The following FAM135A variants were observed in gnomAD, a reference collection of about 807,000 sequenced individuals.
FAM135A encodes the protein protein FAM135A.
A neutral mutation model predicts 146.8 loss-of-function variants in FAM135A; 79 were observed. That is an observed-to-expected ratio of 0.54 (90% CI 0.45 to 0.65). The LOEUF (loss-of-function observed/expected upper bound fraction) is 0.65, where lower values mean the gene tolerates loss of function less well. Among genes scored for constraint, FAM135A ranks in the 30% least tolerant of loss-of-function variants. The pLI, the probability that FAM135A is intolerant of heterozygous loss-of-function variation, is 0.00. For missense variants in FAM135A, 1,623 were observed against 1,758.2 expected (o/e 0.92, Z 1.38); for synonymous variants, 562 against 603.6 (o/e 0.93, Z 1.01).
At chr6:70,465,659 C>T (rs944372180) in intron 5 of FAM135A, among the ~76,000 whole-genome samples, 1 of 152,074 alleles carries the variant, frequency 6.6e-6, no homozygotes, top group Non-Finnish European at 1.5e-5. Flanking sequence ...AGATAACAGG[C>T]GTGAGCCACA....
rs1428030182 is a variant in FAM135A, at chr6:70,452,557, T to C, written c.143T>C (p.Leu48Ser). The C allele has an allele frequency of 6.3e-7, 1 of 1,587,700 alleles. No individual in the cohort carries two copies. The highest frequency in any genetic ancestry group is 8.5e-7 in the Non-Finnish European group (1 of 1,172,212). ...ATTCCCCACAGAGTAGAAGCTAGTT[T>C]GTTGCATGCAACAGGTAAGCCAAAG... is the stretch of plus-strand genomic sequence containing the variant. The part of the protein sequence containing the change: ...SRIPHRVEAS[L>S]LHATGMTLAF... Residue 48 changes from leucine to serine, a missense_variant, in exon 5 of 22, where the codon TTG becomes TCG. Leu to Ser is a moderately radical substitution (Grantham distance 145). Around this residue, in one of 7 missense-constraint regions of FAM135A, gnomAD observed 171 missense variants for 164.9 expected, o/e 1.04. Coordinates refer to ENST00000418814, the MANE Select transcript of FAM135A (RefSeq NM_001162529.3).
chr6:70,502,897 G>A, intron 12 of FAM135A, 106 bp downstream of exon 12: 2 of 1,132,164 alleles, frequency 1.8e-6, no homozygotes, highest in South Asian at 1.9e-5. Context: ...TGATAAATCA[G>A]AAAAGAGACA....
At chr6:70,551,196 C>G (rs980934181) in intron 20 of FAM135A, among the ~76,000 whole-genome samples, 1 of 152,204 alleles carries the variant, frequency 6.6e-6, no homozygotes, top group African/African-American at 2.4e-5. Context: ...CCTTCAAGAA[C>G]TTTTCCTTTG....
chr6:70,463,675 T>C (rs539159825), intron 5 of FAM135A, among the ~76,000 whole-genome samples: 1 of 152,072 alleles, frequency 6.6e-6, no homozygotes, highest in South Asian at 2.1e-4. Flanking sequence ...TAAAAAAAAA[T>C]GAGGAAAAGT....
chr6:70,550,274 TC>T (rs1053886063), intron 20 of FAM135A, among the ~76,000 whole-genome samples: 4 of 152,228 alleles, frequency 2.6e-5, no homozygotes, highest in African/African-American at 9.6e-5. Flanking sequence ...GTGAATTTTT[TC>T]CAAAAGCTTT....
chr6:70,512,740 C>T (rs1427318198), intron 12 of FAM135A, among the ~76,000 whole-genome samples: 2 of 151,688 alleles, frequency 1.3e-5, no homozygotes, highest in Non-Finnish European at 3.0e-5. Flanking sequence ...ATTAAATTCT[C>T]CTAGCCTGAG....
At chr6:70,420,196 C>G (rs1022400974) in intron 2 of FAM135A, among the ~76,000 whole-genome samples, 3 of 152,176 alleles carry the variant, frequency 2.0e-5, no homozygotes, top group African/African-American at 7.2e-5. Flanking sequence ...CTTCTTTACC[C>G]TCTAGCTTAG....
chr6:70,465,226 A>AC (rs1780216829), intron 5 of FAM135A, among the ~76,000 whole-genome samples: 1 of 152,062 alleles, frequency 6.6e-6, no homozygotes, highest in African/African-American at 2.4e-5. Flanking sequence ...CTAAGGCTGA[A>AC]TAATATTCTT....
intron 4 of FAM135A, among the ~76,000 whole-genome samples, chr6:70,444,787 A>G (rs1359603170): frequency 6.6e-6 from 1 of 152,216 alleles, no homozygotes; most frequent in African/African-American, 2.4e-5. Context: ...AACAAATGGT[A>G]TTCAGGGAAT....
intron 16 of FAM135A, among the ~76,000 whole-genome samples, chr6:70,532,876 G>A (rs1796089897): frequency 6.6e-6 from 1 of 151,830 alleles, no homozygotes; most frequent in Non-Finnish European, 1.5e-5. Context: ...AGGTTGCAGT[G>A]AGTCGAGATC....
At chr6:70,554,679 G>A (rs1024497023) in intron 20 of FAM135A, among the ~76,000 whole-genome samples, 1 of 152,184 alleles carries the variant, frequency 6.6e-6, no homozygotes, top group African/African-American at 2.4e-5. Flanking sequence ...CCAGGCTGGA[G>A]TGCAGTGGCA....
At chr6:70,488,257 T>TA (rs1456511969) in intron 10 of FAM135A, among the ~76,000 whole-genome samples, 1 of 152,140 alleles carries the variant, frequency 6.6e-6, no homozygotes, top group East Asian at 1.9e-4. Context: ...GAATACTGTG[T>TA]AGTCATCTTA....
intron 21 of FAM135A, 39 bp from the exon 22 acceptor site, chr6:70,559,677 A>G (rs1295987031): frequency 3.9e-6 from 6 of 1,523,666 alleles, no homozygotes; most frequent in South Asian, 1.2e-5. Flanking sequence ...TTCAGTTACT[A>G]TTGTGAACTA....
intron 20 of FAM135A, among the ~76,000 whole-genome samples, chr6:70,540,979 T>C (rs1412864951): frequency 6.6e-6 from 1 of 152,214 alleles, no homozygotes; most frequent in African/African-American, 2.4e-5. Flanking sequence ...TTGCTTTTGC[T>C]TTCTACTTTA....
At chr6:70,551,925 T>C (rs1290320809) in intron 20 of FAM135A, among the ~76,000 whole-genome samples, 2 of 152,138 alleles carry the variant, frequency 1.3e-5, no homozygotes, top group Non-Finnish European at 2.9e-5. Flanking sequence ...ATTGTAAGAA[T>C]TACCAAAATG....
chr6:70,546,412 T>A (rs1798877048), intron 20 of FAM135A, among the ~76,000 whole-genome samples: 1 of 152,218 alleles, frequency 6.6e-6, no homozygotes, highest in Admixed American at 6.5e-5. Context: ...TAAATCAAAA[T>A]CCAGCCATTT....
At chr6:70,414,195 C>T (rs537122753) in intron 1 of FAM135A, among the ~76,000 whole-genome samples, 3 of 152,152 alleles carry the variant, frequency 2.0e-5, no homozygotes, top group Non-Finnish European at 2.9e-5. Flanking sequence ...GAGCTCCTTA[C>T]CCTGGCCGAC....
At chr6:70,499,021 G>T (rs1048181834) in intron 11 of FAM135A, among the ~76,000 whole-genome samples, 3 of 152,156 alleles carry the variant, frequency 2.0e-5, no homozygotes, top group African/African-American at 7.2e-5. Flanking sequence ...TTCAAGTCCT[G>T]AATATCCTTG....
chr6:70,506,796 T>A (rs1040636589), intron 12 of FAM135A, among the ~76,000 whole-genome samples: 1 of 151,630 alleles, frequency 6.6e-6, no homozygotes, highest in African/African-American at 2.4e-5. Context: ...ACAGGGTATT[T>A]TTTTAAAAAC....
Sources: gnomAD v4.1 joint callset for allele counts (sites outside exome capture counted in the v4.1 genomes callset) on GRCh38, gnomAD v4.1.1 for gene constraint, gnomAD v4.1.1 regional missense constraint, MANE v1.5 for transcripts, NCBI Gene and HGNC (gene_info 2026-07-23, HGNC 2026-07-21) for gene names.